MGAM2: variants seen among roughly 807,000 people sequenced by gnomAD.
MGAM2 encodes maltase-glucoamylase 2 (putative), also known as probable maltase-glucoamylase 2.
MGAM2 carries 98 observed loss-of-function variants against 96.1 expected under a neutral mutation model. That is an observed-to-expected ratio of 1.02 (90% CI 0.87 to 1.21). The LOEUF (loss-of-function observed/expected upper bound fraction) is 1.21, where lower values mean the gene tolerates loss of function less well. MGAM2 is among the 50% of genes most tolerant of loss of function. The probability of loss-of-function intolerance (pLI) is 0.00; values close to 1 mark genes in which losing one functional copy is unlikely to be tolerated. For synonymous variants in MGAM2, 749 were observed against 414.8 expected (o/e 1.81, Z -9.79); for missense variants, 2,055 against 1,182.4 (o/e 1.74, Z -10.82).
intron 20 of MGAM2, 146 bp from the exon 21 acceptor site, chr7:142,159,988 A>G: frequency 1.7e-6 from 1 of 578,950 alleles, no homozygotes; most frequent in East Asian, 2.8e-5. Context: ...TCTACTACCC[A>G]TATGCTTTCA....
At chr7:142,211,675 A>T (rs1563298042) in intron 46 of MGAM2, among the ~76,000 whole-genome samples, 1 of 152,240 alleles carries the variant, frequency 6.6e-6, no homozygotes, top group Non-Finnish European at 1.5e-5. Context: ...AAAGCCTCCA[A>T]GAAATATGGG....
rs999174702 is a variant in MGAM2, at chr7:142,218,396, T to C, written c.5223T>C (p.Tyr1741=). 1 of 702,128 alleles carries C rather than the reference T, an allele frequency of 1.4e-6. No individual in the cohort carries two copies. Among genetic ancestry groups the C allele is most frequent in the African/African-American group, 1.7e-5 (1 of 57,226 alleles). 43.5% of individuals were successfully genotyped at this position (702,128 alleles called of 1,614,324 possible). ...ILQIQTIHNK[Y]LSDSNPLKVG... is the part of the protein sequence containing the mutation. Reference sequence around the variant, plus strand: ...AAATCCAGACCATACACAATAAGTATTTGAGTGACTCGAATCCACTAAAAG... The same window carrying C: ...AAATCCAGACCATACACAATAAGTACTTGAGTGACTCGAATCCACTAAAAG... Residue 1741 remains tyrosine (Y), a synonymous_variant, in exon 47 of 48, where the codon TAT becomes TAC. Transcript: ENST00000477922.
rs1413160809 is a variant in MGAM2 at position 142,161,983 on chromosome 7, A to G, written c.2463A>G (p.Leu821=). 2.2e-5 allele frequency: 15 copies of G among 697,090 alleles called. No individual in the cohort carries two copies. In the East Asian group the frequency reaches 3.2e-4, roughly 15 times the overall value. 43.2% of individuals were successfully genotyped at this position (697,090 alleles called of 1,614,324 possible). A position where few individuals can be genotyped will look rare whatever the true frequency, so the allele number is the denominator to read the frequency against. ...KDAVTEKKYI[L]YDFSVTSNHL... ...CTGTGACTGAAAAGAAGTATATTCT[A>G]TATGATTTCTCTGTTACCTCTGTAA... Residue 821 remains leucine (L), a synonymous_variant, in exon 23 of 48, where the codon CTA becomes CTG. Transcript: ENST00000477922.
intron 32 of MGAM2, among the ~76,000 whole-genome samples, chr7:142,176,742 T>C (rs1026413022): frequency 6.6e-6 from 1 of 152,194 alleles, no homozygotes; most frequent in African/African-American, 2.4e-5. Flanking sequence ...GCTATTATAC[T>C]CTGGAAACAT....
chr7:142,201,355 C>T (rs1302567533), intron 45 of MGAM2, among the ~76,000 whole-genome samples: 3 of 152,070 alleles, frequency 2.0e-5, no homozygotes, highest in East Asian at 1.9e-4. Flanking sequence ...CAGGTATGAG[C>T]CACCGTTCCC....
chr7:142,208,505 G>A lies in MGAM2; in HGVS notation c.5138-68G>A, dbSNP rs1030333341. The A allele has an allele frequency of 4.5e-5, 31 of 694,882 alleles. 1 individual carries two copies. The highest frequency in any genetic ancestry group is 1.2e-4 in the African/African-American group (7 of 56,988). 43.0% of individuals were successfully genotyped at this position (694,882 alleles called of 1,614,324 possible). On this transcript the variant is annotated intron_variant, in intron 45 of 47. Coordinates refer to ENST00000477922, the MANE Select transcript of MGAM2 (RefSeq NM_001293626.2). ...CATTGAGAGTGTGGTTTCTGACCAC[G>A]CTCAAGATTATTTGCTGCAATTGAA...
At chr7:142,144,971 C>A (rs745737258) in intron 14 of MGAM2, 26 bp downstream of exon 14, 8 of 701,754 alleles carry the variant, frequency 1.1e-5, no homozygotes, top group Non-Finnish European at 1.8e-5. Flanking sequence ...TTTGCTATGA[C>A]GTAGGAATAA....
chr7:142,133,141 A>G (rs1037179818), intron 6 of MGAM2, among the ~76,000 whole-genome samples: 1 of 138,976 alleles, frequency 7.2e-6, no homozygotes, highest in African/African-American at 2.6e-5. Context: ...TATTTAATAA[A>G]TGTTAATTTA....
chr7:142,132,108 T>A (rs1794907474), intron 6 of MGAM2, 23 bp downstream of exon 6: 2 of 697,204 alleles, frequency 2.9e-6, no homozygotes, highest in East Asian at 5.4e-5. Context: ...ACCCTCTTGG[T>A]GCATCTTTGA....
intron 12 of MGAM2, among the ~76,000 whole-genome samples, chr7:142,141,701 T>C (rs1795235910): frequency 6.6e-6 from 1 of 152,018 alleles, no homozygotes; most frequent in Non-Finnish European, 1.5e-5. Context: ...GGTTTCTCCA[T>C]ATTGGCCAGG....
chr7:142,189,580 G>T (rs1796805867), intron 37 of MGAM2, 75 bp downstream of exon 37: 1 of 573,826 alleles, frequency 1.7e-6, no homozygotes, highest in Non-Finnish European at 3.1e-6. Flanking sequence ...TTTGCATTGT[G>T]CATGTATCTA....
At chr7:142,133,260 A>G (rs1240022375) in intron 6 of MGAM2, among the ~76,000 whole-genome samples, 1 of 145,080 alleles carries the variant, frequency 6.9e-6, no homozygotes, top group African/African-American at 2.5e-5. Context: ...ATATTTATAT[A>G]AAATTTAATA....
intron 3 of MGAM2, among the ~76,000 whole-genome samples, chr7:142,123,388 T>A: frequency 6.6e-6 from 1 of 152,158 alleles, no homozygotes; most frequent in South Asian, 2.1e-4. Context: ...CACTGCAAAA[T>A]CATTTTTCAA....
intron 45 of MGAM2, among the ~76,000 whole-genome samples, chr7:142,203,772 T>A (rs986593109): frequency 2.0e-5 from 3 of 151,984 alleles, no homozygotes; most frequent in Non-Finnish European, 4.4e-5. Context: ...TAAATGGTAC[T>A]GGGACAACTG....
chr7:142,119,663 C>A (rs138248382), intron 2 of MGAM2, among the ~76,000 whole-genome samples: 1 of 151,990 alleles, frequency 6.6e-6, no homozygotes, highest in African/African-American at 2.4e-5. Context: ...GTACATGAAC[C>A]GATGAATAGA....
chr7:142,144,795 G>A, intron 13 of MGAM2, 66 bp from the exon 14 acceptor site: 1 of 647,094 alleles, frequency 1.5e-6, no homozygotes, highest in Non-Finnish European at 2.8e-6. Context: ...AGTTCAGTAA[G>A]CGTTTCTCAA....
At chr7:142,171,081 G>A in intron 27 of MGAM2, 191 bp from the exon 28 acceptor site, 1 of 627,468 alleles carries the variant, frequency 1.6e-6, no homozygotes, top group South Asian at 1.7e-5. Context: ...CCACAGAACA[G>A]AAATCTAACA....
At chr7:142,217,475 T>C (rs915282203) in intron 46 of MGAM2, among the ~76,000 whole-genome samples, 3 of 152,224 alleles carry the variant, frequency 2.0e-5, no homozygotes, top group Non-Finnish European at 4.4e-5. Flanking sequence ...ATTATAAGAA[T>C]ACTTATGATA....
intron 33 of MGAM2, among the ~76,000 whole-genome samples, chr7:142,184,458 T>C (rs903538064): frequency 4.6e-5 from 7 of 152,204 alleles, no homozygotes; most frequent in African/African-American, 1.7e-4. Context: ...TGTGAACTCT[T>C]AGGAAACAAG....
Sources: gnomAD v4.1 joint callset for allele counts (sites outside exome capture counted in the v4.1 genomes callset) on GRCh38, gnomAD v4.1.1 for gene constraint, MANE v1.5 for transcripts, NCBI Gene and HGNC (gene_info 2026-07-23, HGNC 2026-07-21) for gene names.